Variants in PPIH observed in about 807,000 individuals in gnomAD.
PPIH encodes peptidylprolyl isomerase H, also known as peptidyl-prolyl cis-trans isomerase H.
A neutral mutation model predicts 27.6 loss-of-function variants in PPIH; 16 were observed. The ratio of observed to expected loss-of-function variants is 0.58; its 90% CI spans 0.39 to 0.88. The LOEUF is 0.88. Ranked by LOEUF, PPIH falls within the 40% of genes least tolerant of loss-of-function variation. The probability of loss-of-function intolerance (pLI) is 0.00; values close to 1 mark genes in which losing one functional copy is unlikely to be tolerated. For synonymous variants in PPIH, 63 were observed against 76.1 expected (o/e 0.83, Z 0.90); for missense variants, 155 against 224.1 (o/e 0.69, Z 1.97).
chr1:42,666,722 G>A lies in PPIH; in HGVS notation c.465+135G>A, dbSNP rs1005989891. Reference sequence around the variant, plus strand: ...TTCATTGCCCCAGGAAAAGGGAAGAGAACCACCTAAGTTAGCCTGTCTGGC... The same window carrying A: ...TTCATTGCCCCAGGAAAAGGGAAGAAAACCACCTAAGTTAGCCTGTCTGGC... On this transcript the variant is annotated intron_variant, in intron 8 of 9. Coordinates refer to ENST00000304979, the MANE Select transcript of PPIH (RefSeq NM_006347.4). 18 of 861,918 alleles carry A rather than the reference G, an allele frequency of 2.1e-5. No individual in the cohort carries two copies. In the African/African-American group the frequency reaches 2.5e-4, roughly 12 times the overall value. The allele number at this position is 861,918 out of a possible 1,614,324, so 53.4% of individuals were successfully genotyped here. A position where few individuals can be genotyped will look rare whatever the true frequency, so the allele number is the denominator to read the frequency against.
At chr1:42,679,507 A>G (rs1358261863), downstream of PPIH, among the ~76,000 whole-genome samples, 1 of 152,226 alleles carries the variant, frequency 6.6e-6, no homozygotes, top group Non-Finnish European at 1.5e-5. Context: ...TAAACAGCTT[A>G]TCCTCAGGCT....
In PPIH at chr1:42,660,919, T is replaced by C. The variant is rs1421814559; in HGVS notation, c.243+15T>C. On this transcript the variant is annotated intron_variant, in intron 5 of 9. Transcript: ENST00000304979. Reference sequence around the variant, plus strand: ...ATTTTGTTAATGTAAGTACTATTCCTTTCCTATCAAAGACCCGTAGTTTTA... The same window carrying C: ...ATTTTGTTAATGTAAGTACTATTCCCTTCCTATCAAAGACCCGTAGTTTTA... 1 of 1,603,642 alleles carries C rather than the reference T, an allele frequency of 6.2e-7. No homozygotes were observed. The highest frequency in any genetic ancestry group is 8.5e-7 in the Non-Finnish European group (1 of 1,170,952).
rs995726959 is a variant in PPIH at position 42,662,621 on chromosome 1, G to C, written c.243+1717G>C. Among the ~76,000 whole-genome samples the C allele has an allele frequency of 8.6e-5, 13 of 151,964 alleles. No homozygotes were observed. The South Asian group carries it at 2.1e-3, about 24-fold the overall frequency. On this transcript the variant is annotated intron_variant, in intron 5 of 9. Coordinates refer to ENST00000304979, the MANE Select transcript of PPIH (RefSeq NM_006347.4). The stretch of plus-strand genomic sequence containing the variant: ...GGCAAAATGGAATGAGCAAGAGTCA[G>C]AAAAATCAGAATTTGAGACCTTCCA...
chr1:42,658,605 GC>G, intron 1 of PPIH, 93 bp downstream of exon 1: 2 of 1,433,622 alleles, frequency 1.4e-6, no homozygotes, highest in Non-Finnish European at 1.9e-6. Flanking sequence ...GACTCGGGAA[GC>G]CAGCCAGAAA....
chr1:42,674,696 G>A (rs1226685724), intron 9 of PPIH, among the ~76,000 whole-genome samples: 2 of 152,206 alleles, frequency 1.3e-5, no homozygotes, highest in African/African-American at 2.4e-5. Context: ...TGGGCTGGAG[G>A]CCAGTGAGGA....
At chr1:42,663,252 G>A (rs1452661706) in intron 5 of PPIH, among the ~76,000 whole-genome samples, 2 of 152,148 alleles carry the variant, frequency 1.3e-5, no homozygotes, top group Admixed American at 6.5e-5. Flanking sequence ...TTTGTACAGT[G>A]CTTTTTACAG....
chr1:42,677,161 G>A (rs1649916154), downstream of PPIH, among the ~76,000 whole-genome samples: 1 of 152,206 alleles, frequency 6.6e-6, no homozygotes, highest in South Asian at 2.1e-4. Flanking sequence ...GTAGTAAACA[G>A]CAACAATACC....
In PPIH at chr1:42,658,911, A is replaced by G. The variant is rs1310997897; in HGVS notation, c.131+3A>G. On this transcript the variant is annotated splice_donor_region_variant and intron_variant, in intron 2 of 9. Transcript: ENST00000304979. ...CCTAAGACGGCCGAGAACTTTAGGTAAGGACGTGCTCCAGCTCCGCTGGAT... is the reference window on the plus strand; with the variant it reads ...CCTAAGACGGCCGAGAACTTTAGGTGAGGACGTGCTCCAGCTCCGCTGGAT... The G allele has an allele frequency of 6.2e-7, 1 of 1,613,964 alleles. No individual in the cohort carries two copies. Among genetic ancestry groups the G allele is most frequent in the Non-Finnish European group, 8.5e-7 (1 of 1,179,914 alleles).
rs1317849707 is a variant in PPIH at position 42,660,735 on chromosome 1, T to G, written c.201-127T>G. The G allele has an allele frequency of 3.6e-6, 3 of 839,086 alleles. No individual in the cohort carries two copies. The African/African-American group carries it at 5.3e-5, about 15-fold the overall frequency. 52.0% of individuals were successfully genotyped at this position (839,086 alleles called of 1,614,324 possible). Reference sequence around the variant, plus strand: ...GTGAGCTACCGCACCCAGCTAAGAGTAATGATTTTATAATAGCCAAAGTGA... The same window carrying G: ...GTGAGCTACCGCACCCAGCTAAGAGGAATGATTTTATAATAGCCAAAGTGA... On this transcript the variant is annotated intron_variant, in intron 4 of 9. Coordinates refer to ENST00000304979, the MANE Select transcript of PPIH (RefSeq NM_006347.4).
downstream of PPIH, among the ~76,000 whole-genome samples, chr1:42,677,724 G>T (rs745722376): frequency 7.9e-5 from 12 of 152,116 alleles, no homozygotes; most frequent in Non-Finnish European, 1.6e-4. Flanking sequence ...TGCTCAGGAG[G>T]CTGAGGCAGG....
At chr1:42,660,978 ACTACAGAGACCCAGT>A in intron 5 of PPIH, 74 bp downstream of exon 5, 2 of 1,335,988 alleles carry the variant, frequency 1.5e-6, no homozygotes, top group Non-Finnish European at 2.1e-6. Flanking sequence ...TGCTGTTTTT[ACTACAGAGACCCAGT>A]CTTCAGGCTT....
chr1:42,671,682 C>T (rs1649644018), intron 9 of PPIH, among the ~76,000 whole-genome samples: 1 of 152,040 alleles, frequency 6.6e-6, no homozygotes. Flanking sequence ...TACCAAAAAT[C>T]CCTCATAGGT....
rs1362573620 is a variant in PPIH, at chr1:42,664,878, G to C, written c.259G>C (p.Val87Leu). The C allele has an allele frequency of 6.2e-7, 1 of 1,613,408 alleles. No individual in the cohort carries two copies. Residue 87 changes from valine to leucine, a missense_variant, in exon 6 of 10, where the codon GTC becomes CTC. Coordinates refer to ENST00000304979, the MANE Select transcript of PPIH (RefSeq NM_006347.4). ...CTCTGCTCAGGGAGATGGTACTGGA[G>C]TCGCCAGTATTTACCGGGGGCCATT... is the stretch of plus-strand genomic sequence containing the variant. ...GDFVNGDGTG[V>L]ASIYRGPFAD...
At chr1:42,665,086 C>T (rs996345246) in intron 6 of PPIH, 131 bp downstream of exon 6, 1 of 732,370 alleles carries the variant, frequency 1.4e-6, no homozygotes, top group Non-Finnish European at 2.3e-6. Context: ...CTCACCTTTA[C>T]CACCTCCTTT....
At chr1:42,659,053 G>A (rs1194243675) in intron 2 of PPIH, 145 bp downstream of exon 2, 1 of 1,340,858 alleles carries the variant, frequency 7.5e-7, no homozygotes, top group Admixed American at 1.9e-5. Context: ...TCTGGTTGCC[G>A]TTTGGATTGT....
At chr1:42,658,782 C>G (rs1648814753) in intron 1 of PPIH, 62 bp from the exon 2 acceptor site, 1 of 1,577,770 alleles carries the variant, frequency 6.3e-7, no homozygotes, top group African/African-American at 1.3e-5. Flanking sequence ...ATCATGCCCC[C>G]TGCTCCGTGA....
intron 4 of PPIH, among the ~76,000 whole-genome samples, chr1:42,660,177 C>T (rs1055521250): frequency 1.4e-4 from 22 of 152,106 alleles, no homozygotes; most frequent in African/African-American, 5.3e-4. Flanking sequence ...AGTTGTTAAG[C>T]CCTTACATGT....
chr1:42,664,775 G>A (rs1159536393), intron 5 of PPIH, 88 bp from the exon 6 acceptor site: 11 of 1,009,102 alleles, frequency 1.1e-5, no homozygotes, highest in Non-Finnish European at 1.2e-5. Context: ...CTTTAAAGAT[G>A]TCATGCTTTA....
chr1:42,672,848 C>G (rs1649711743), intron 9 of PPIH, among the ~76,000 whole-genome samples: 1 of 152,046 alleles, frequency 6.6e-6, no homozygotes, highest in South Asian at 2.1e-4. Context: ...AGGGTTTCAC[C>G]AAGTTAGCCA....
Sources: allele counts gnomAD v4.1 joint callset (sites outside exome capture counted in the v4.1 genomes callset), GRCh38; gene constraint gnomAD v4.1.1; transcripts MANE v1.5; gene names NCBI Gene and HGNC (gene_info 2026-07-23, HGNC 2026-07-21).